Variants in MS4A18 observed in about 807,000 individuals in gnomAD.
MS4A18 encodes the protein membrane spanning 4-domains A18.
MS4A18 carries 27 observed loss-of-function variants against 13.1 expected under a neutral mutation model. That is an observed-to-expected ratio of 2.06 (90% CI 1.52 to 2.84). The LOEUF is 2.84. Ranked by LOEUF, MS4A18 falls within the 30% of genes most tolerant of loss-of-function variation. The pLI, the probability that MS4A18 is intolerant of heterozygous loss-of-function variation, is 0.00. For synonymous variants in MS4A18, 126 were observed against 76.5 expected, an observed-to-expected ratio of 1.65 and a Z score of -3.38; for missense variants, 307 against 196.4, an observed-to-expected ratio of 1.56 and a Z score of -3.37.
Position 60,733,663 on chromosome 11 carries a change from T to C in MS4A18, c.591+16T>C. On this transcript the variant is annotated intron_variant, in intron 2 of 5. Transcript: ENST00000529108. The stretch of plus-strand genomic sequence containing the variant: ...AGGATTATCCGTGAGTACAAGGCCA[T>C]ATGGTCTCCTTCCTGGGTCACCAGA... 1.4e-6 allele frequency: 1 copy of C among 703,512 alleles called. No individual in the cohort carries two copies. Among genetic ancestry groups the C allele is most frequent in the Non-Finnish European group, 2.6e-6 (1 of 385,108 alleles). 43.6% of individuals were successfully genotyped at this position (703,512 alleles called of 1,614,324 possible).
intron 1 of MS4A18, among the ~76,000 whole-genome samples, chr11:60,731,753 G>A (rs1342245215): frequency 1.3e-5 from 2 of 152,180 alleles, no homozygotes; most frequent in Non-Finnish European, 2.9e-5. Context: ...TTCATTTGAT[G>A]AATCCAGTGT....
chr11:60,731,159 G>A lies in MS4A18; in HGVS notation c.477+1367G>A, dbSNP rs183451989. Among the ~76,000 whole-genome samples, 128 of 152,180 alleles carry A rather than the reference G, an allele frequency of 8.4e-4. 2 individuals carry two copies. The highest frequency in any genetic ancestry group is 7.9e-3 in the South Asian group (38 of 4,814). On this transcript the variant is annotated intron_variant, in intron 1 of 5. Coordinates refer to ENST00000529108, the Ensembl canonical transcript of MS4A18. ...ATCAAGTGAGATTATAAATGTGTGCGGAAATCCTCCAAAAGGTAAAGCTGG... is the reference window on the plus strand; with the variant it reads ...ATCAAGTGAGATTATAAATGTGTGCAGAAATCCTCCAAAAGGTAAAGCTGG...
At chr11:60,734,007 G>T (rs933670389) in intron 2 of MS4A18, among the ~76,000 whole-genome samples, 19 of 152,182 alleles carry the variant, frequency 1.2e-4, no homozygotes, top group African/African-American at 4.6e-4. Flanking sequence ...AATTTGGGAG[G>T]CCGAGGTAGG....
rs1793568891 is a variant in MS4A18, at chr11:60,740,890, C to T, written c.745-140C>T. 27 of 650,432 alleles carry T rather than the reference C, an allele frequency of 4.2e-5. 1 individual carries two copies. In the South Asian group the frequency reaches 4.5e-4, roughly 11 times the overall value. The allele number at this position is 650,432 out of a possible 1,614,324, so 40.3% of individuals were successfully genotyped here. A position where few individuals can be genotyped will look rare whatever the true frequency, so the allele number is the denominator to read the frequency against. On this transcript the variant is annotated intron_variant, in intron 4 of 5. Coordinates refer to ENST00000529108, the Ensembl canonical transcript of MS4A18. ...AGGCAAGGGCATATAAAATGGGTGA[C>T]CCAAGCACCTGCTCCAAAGGGCCAC...
chr11:60,730,822 C>T (rs952861822), intron 1 of MS4A18, among the ~76,000 whole-genome samples: 2 of 152,148 alleles, frequency 1.3e-5, no homozygotes, highest in South Asian at 2.1e-4. Context: ...AGGCCGGACA[C>T]GGTGGCTCAT....
upstream of MS4A18, among the ~76,000 whole-genome samples, chr11:60,728,460 CTA>C (rs532597811): frequency 1.5e-4 from 23 of 149,304 alleles, no homozygotes; most frequent in East Asian, 3.6e-3. Flanking sequence ...GTGTCTGTGT[CTA>C]TGTCTGTGTT....
At chr11:60,728,515 G>A (rs1565058342), upstream of MS4A18, among the ~76,000 whole-genome samples, 1 of 150,284 alleles carries the variant, frequency 6.7e-6, no homozygotes, top group Non-Finnish European at 1.5e-5. Context: ...GTGTGTGTAT[G>A]TGTGTGTGTG....
chr11:60,728,494 CCT>C (rs925842685), upstream of MS4A18, among the ~76,000 whole-genome samples: 2 of 143,798 alleles, frequency 1.4e-5, no homozygotes, highest in African/African-American at 5.3e-5. Flanking sequence ...TCCCTCCTTC[CCT>C]CTCTCTGTGT....
At chr11:60,737,332 T>TA (rs1437870986) in intron 3 of MS4A18, among the ~76,000 whole-genome samples, 5 of 152,232 alleles carry the variant, frequency 3.3e-5, no homozygotes, top group African/African-American at 4.8e-5. Flanking sequence ...TGTTCTTTTT[T>TA]AACTATTGCA....
intron 4 of MS4A18, among the ~76,000 whole-genome samples, chr11:60,739,809 G>A (rs138364500): frequency 3.3e-5 from 5 of 152,328 alleles, no homozygotes; most frequent in Admixed American, 3.3e-4. Context: ...CAGTAACATT[G>A]ACACAGTACT....
chr11:60,733,163 C>T (rs1463595180), intron 1 of MS4A18, among the ~76,000 whole-genome samples: 4 of 152,232 alleles, frequency 2.6e-5, no homozygotes, highest in Non-Finnish European at 4.4e-5. Context: ...ACCACACAGC[C>T]GGCCAGTGCT....
upstream of MS4A18, among the ~76,000 whole-genome samples, chr11:60,726,393 T>G (rs1469396216): frequency 6.6e-6 from 1 of 152,178 alleles, no homozygotes; most frequent in Non-Finnish European, 1.5e-5. Flanking sequence ...ACTGTTGGGA[T>G]CCAAGGAAAA....
chr11:60,731,174 G>C (rs1853248658), intron 1 of MS4A18, among the ~76,000 whole-genome samples: 2 of 152,068 alleles, frequency 1.3e-5, no homozygotes, highest in Admixed American at 1.3e-4. Context: ...TCCTCCAAAA[G>C]GTAAAGCTGG....
chr11:60,729,184 T>C (rs550745782), upstream of MS4A18: 10 of 607,736 alleles, frequency 1.6e-5, no homozygotes, highest in Admixed American at 1.1e-4. Flanking sequence ...GTTTATTTTG[T>C]CTGGTACCAT....
upstream of MS4A18, among the ~76,000 whole-genome samples, chr11:60,728,973 A>C (rs1422645987): frequency 1.3e-5 from 2 of 152,182 alleles, no homozygotes; most frequent in Non-Finnish European, 2.9e-5. Context: ...GGCAGGGGGC[A>C]AGATGGGGAG....
intron 1 of MS4A18, among the ~76,000 whole-genome samples, chr11:60,730,817 G>A (rs1187902909): frequency 3.3e-5 from 5 of 152,120 alleles, no homozygotes; most frequent in South Asian, 2.1e-4. Context: ...TGGTCAGGCC[G>A]GACACGGTGG....
exon 1 of MS4A18, chr11:60,729,502 C>T: frequency 1.4e-6 from 1 of 702,842 alleles, no homozygotes; most frequent in Non-Finnish European, 2.6e-6. Flanking sequence ...ACAGAATCTA[C>T]TCGTGGTGAA....
At chr11:60,727,509 T>C (rs936045140), upstream of MS4A18, among the ~76,000 whole-genome samples, 1 of 152,212 alleles carries the variant, frequency 6.6e-6, no homozygotes, top group Admixed American at 6.5e-5. Flanking sequence ...ATTCATCAGC[T>C]AGCACCAAAC....
At chr11:60,725,538 C>G, upstream of MS4A18, among the ~76,000 whole-genome samples, 1 of 152,130 alleles carries the variant, frequency 6.6e-6, no homozygotes, top group Non-Finnish European at 1.5e-5. Flanking sequence ...GTCCCAGGAA[C>G]ATCCCTCATA....
Sources: allele counts gnomAD v4.1 joint callset (sites outside exome capture counted in the v4.1 genomes callset), GRCh38; gene constraint gnomAD v4.1.1; transcripts MANE v1.5; gene names NCBI Gene and HGNC (gene_info 2026-07-23, HGNC 2026-07-21).